Variants in KIFC3 observed in about 807,000 individuals in gnomAD.
The protein encoded by KIFC3 is kinesin family member C3.
In KIFC3, 60 loss-of-function variants were observed where a neutral mutation model predicts 101.8. That is an observed-to-expected ratio of 0.59 (90% CI 0.48 to 0.73). The LOEUF is 0.73. Ranked by LOEUF, KIFC3 falls within the 30% of genes least tolerant of loss-of-function variation. KIFC3 has a pLI of 0.00. For synonymous variants in KIFC3, 476 were observed against 482.7 expected (o/e 0.99, Z 0.18); for missense variants, 966 against 1,137.1 (o/e 0.85, Z 2.16).
chr16:57,798,397 C>A (rs1360567348), intron 1 of KIFC3, 115 bp from the exon 2 acceptor site: 10 of 920,250 alleles, frequency 1.1e-5, no homozygotes, highest in South Asian at 7.1e-5. Context: ...GGTTACCCAG[C>A]GCAGCAGCTC....
intron 1 of KIFC3, among the ~76,000 whole-genome samples, chr16:57,812,483 G>A (rs116063327): frequency 0.018 from 2,736 of 152,260 alleles, 97 homozygotes; most frequent in African/African-American, 0.063. Flanking sequence ...CAGGAAAGGT[G>A]TGTGTGAAGA....
intron 1 of KIFC3, among the ~76,000 whole-genome samples, chr16:57,811,303 A>T (rs782130175): frequency 1.3e-5 from 2 of 152,180 alleles, no homozygotes; most frequent in African/African-American, 2.4e-5. Flanking sequence ...CTCTGTAAAT[A>T]TACTAAAAAC....
At chr16:57,841,848 C>G (rs2055818585) in intron 1 of KIFC3, among the ~76,000 whole-genome samples, 1 of 152,110 alleles carries the variant, frequency 6.6e-6, no homozygotes, top group Non-Finnish European at 1.5e-5. Flanking sequence ...AAGGTCTTGG[C>G]TCTGGCTGTC....
At chr16:57,861,315 C>T (rs1314376192) in intron 1 of KIFC3, among the ~76,000 whole-genome samples, 1 of 152,134 alleles carries the variant, frequency 6.6e-6, no homozygotes, top group Non-Finnish European at 1.5e-5. Flanking sequence ...ACCAACAGTA[C>T]CAACCCCCTG....
At chr16:57,775,104 G>T in intron 3 of KIFC3, 2 of 1,472,672 alleles carry the variant, frequency 1.4e-6, no homozygotes, top group Admixed American at 2.4e-5. Flanking sequence ...GCGGCCCAGG[G>T]TTCTGTTCTG....
intron 1 of KIFC3, among the ~76,000 whole-genome samples, chr16:57,828,000 T>A (rs1460434156): frequency 6.6e-6 from 1 of 152,228 alleles, no homozygotes; most frequent in African/African-American, 2.4e-5. Flanking sequence ...GTGAAGAAAC[T>A]GAGGCACAGA....
intron 1 of KIFC3, among the ~76,000 whole-genome samples, chr16:57,847,943 A>G (rs1436641131): frequency 1.3e-5 from 2 of 151,794 alleles, no homozygotes; most frequent in African/African-American, 4.8e-5. Context: ...ACCCCACCAC[A>G]TCTGGCTAAT....
At chr16:57,760,234 G>A in intron 17 of KIFC3, 48 bp downstream of exon 17, 1 of 1,582,276 alleles carries the variant, frequency 6.3e-7, no homozygotes, top group South Asian at 1.1e-5. Flanking sequence ...ATGACCCAAA[G>A]TCTCTGACCC....
chr16:57,771,321 C>T lies in KIFC3; in HGVS notation c.642G>A (p.Glu214=), dbSNP rs369123660. The part of the protein sequence containing the change: ...EVQQKTDRLA[E]VELRLKDCLA... ...GGCAGTCCTTGAGTCGCAGCTCCAC[C>T]TCAGCCAGCCGGTCGGTCTTCTGCT... Residue 214 remains glutamate (E), a synonymous_variant, in exon 6 of 20, where the codon GAG becomes GAA. Coordinates refer to ENST00000445690, the MANE Select transcript of KIFC3 (RefSeq NM_001130100.2). The T allele has an allele frequency of 2.9e-5, 47 of 1,613,560 alleles. No individual in the cohort carries two copies. Among genetic ancestry groups the T allele is most frequent in the Middle Eastern group, 1.6e-4 (1 of 6,084 alleles).
intron 16 of KIFC3, 44 bp downstream of exon 16, chr16:57,760,682 C>T (rs1555595545): frequency 6.5e-7 from 1 of 1,531,756 alleles, no homozygotes; most frequent in East Asian, 2.3e-5. Context: ...CTAGCGTAGC[C>T]CCTACATGCT....
At chr16:57,852,941 A>G (rs1411440714) in intron 1 of KIFC3, among the ~76,000 whole-genome samples, 1 of 150,946 alleles carries the variant, frequency 6.6e-6, no homozygotes, top group Non-Finnish European at 1.5e-5. Flanking sequence ...TATAGAAGAC[A>G]TAGAAATTTT....
intron 1 of KIFC3, among the ~76,000 whole-genome samples, chr16:57,829,399 G>A (rs782387083): frequency 1.1e-4 from 17 of 151,936 alleles, no homozygotes; most frequent in African/African-American, 1.7e-4. Flanking sequence ...AACCACAGGC[G>A]TGTGCCACCA....
At chr16:57,862,370 G>T (rs944582463) in intron 1 of KIFC3, among the ~76,000 whole-genome samples, 2 of 151,928 alleles carry the variant, frequency 1.3e-5, no homozygotes, top group Non-Finnish European at 2.9e-5. Flanking sequence ...TAGAATTCAT[G>T]AATTGTTTAT....
rs989943814 is a variant in KIFC3 at position 57,795,213 on chromosome 16, C to T, written c.173-72G>A. 1.2e-5 allele frequency: 18 copies of T among 1,544,966 alleles called. No homozygotes were observed. The Admixed American group carries it at 3.2e-4, about 27-fold the overall frequency. On this transcript the variant is annotated intron_variant, in intron 2 of 19. Transcript: ENST00000445690. ...AAGACTGCTAGCCATGGACCACTGGCCAGGGCCGCAGCTGAGCTCAGCTTT... is the reference window on the plus strand; with the variant it reads ...AAGACTGCTAGCCATGGACCACTGGTCAGGGCCGCAGCTGAGCTCAGCTTT...
At chr16:57,862,055 G>A (rs1409298286) in intron 1 of KIFC3, among the ~76,000 whole-genome samples, 2 of 152,088 alleles carry the variant, frequency 1.3e-5, no homozygotes, top group East Asian at 3.9e-4. Context: ...AAAGAACAAG[G>A]ATGAGCTTCT....
chr16:57,808,368 A>G (rs1356071038), intron 1 of KIFC3, among the ~76,000 whole-genome samples: 4 of 151,578 alleles, frequency 2.6e-5, no homozygotes, highest in African/African-American at 9.7e-5. Context: ...ATCCTCCAGA[A>G]GCCGCCGGGC....
At chr16:57,855,959 AAC>A (rs2056156444) in intron 1 of KIFC3, among the ~76,000 whole-genome samples, 1 of 150,732 alleles carries the variant, frequency 6.6e-6, no homozygotes, top group Admixed American at 6.6e-5. Flanking sequence ...AAAAAAAAAA[AAC>A]CAAAAACAAA....
chr16:57,769,857 G>A lies in KIFC3; in HGVS notation c.1038C>T (p.Ala346=). The A allele has an allele frequency of 6.2e-7, 1 of 1,613,792 alleles. No homozygotes were observed. The highest frequency in any genetic ancestry group is 2.2e-5 in the East Asian group (1 of 44,870). The change falls in exon 8 of 20, where the codon GCC becomes GCT. Residue 346 remains alanine (A), a synonymous_variant. Coordinates refer to ENST00000445690, the MANE Select transcript of KIFC3 (RefSeq NM_001130100.2). This position sits in a 1 kb window ranked among gnomAD's most constrained non-coding sequence, Gnocchi z 4.3. ...TCATCTCCACCTGGGCTCTGGCAAAGGCCTCCTCAATGGCCCGGTTCTTGT... is the reference window on the plus strand; with the variant it reads ...TCATCTCCACCTGGGCTCTGGCAAAAGCCTCCTCAATGGCCCGGTTCTTGT... The part of the protein sequence containing the change: ...EEDKNRAIEE[A]FARAQVEMKA...
At position 57,815,426 on chromosome 16, in the gene KIFC3, T is replaced by C. The variant is rs930709106; in HGVS notation, c.109-17144A>G. On this transcript the variant is annotated intron_variant, in intron 1 of 2. Transcript: ENST00000563028. ...CACCACCGCCACGTGTTTTCTAGGATCCCCTCCAAGCATTTTCCAAAGCCC... is the reference window on the plus strand; with the variant it reads ...CACCACCGCCACGTGTTTTCTAGGACCCCCTCCAAGCATTTTCCAAAGCCC... The C allele has an allele frequency of 5.9e-6, 7 of 1,180,974 alleles. No homozygotes were observed. In the African/African-American group the frequency reaches 9.7e-5, roughly 16 times the overall value. 73.2% of individuals were successfully genotyped at this position (1,180,974 alleles called of 1,614,324 possible). A position where few individuals can be genotyped will look rare whatever the true frequency, so the allele number is the denominator to read the frequency against.
Sources: allele counts gnomAD v4.1 joint callset (sites outside exome capture counted in the v4.1 genomes callset), GRCh38; gene constraint gnomAD v4.1.1; non-coding constraint Gnocchi (gnomAD v3.1); transcripts MANE v1.5; gene names NCBI Gene and HGNC (gene_info 2026-07-23, HGNC 2026-07-21).